RGS7: variants seen among roughly 807,000 people sequenced by gnomAD.
The protein encoded by RGS7 is regulator of G-protein signaling 7.
A neutral mutation model predicts 81.1 loss-of-function variants in RGS7; 27 were observed. The ratio of observed to expected loss-of-function variants is 0.33; its 90% CI spans 0.25 to 0.46. The LOEUF (loss-of-function observed/expected upper bound fraction) is 0.46. RGS7 is among the 20% of genes least tolerant of loss of function. The pLI is 1.00. For missense variants in RGS7, 396 were observed against 607.4 expected (o/e 0.65, Z 3.66); for synonymous variants, 208 against 207.7 (o/e 1.00, Z -0.01).
At chr1:240,957,120 C>G (rs934284896) in intron 4 of RGS7, among the ~76,000 whole-genome samples, 7 of 152,130 alleles carry the variant, frequency 4.6e-5, no homozygotes, top group African/African-American at 1.7e-4. Context: ...GCAGACCACC[C>G]TCAATCTGGG....
At chr1:240,985,331 C>T (rs192013728) in intron 3 of RGS7, among the ~76,000 whole-genome samples, 7 of 152,304 alleles carry the variant, frequency 4.6e-5, no homozygotes, top group Admixed American at 3.9e-4. Context: ...GACAGCCAAA[C>T]ATTCATTCCA....
chr1:240,866,037 G>A (rs1020175347), intron 9 of RGS7, among the ~76,000 whole-genome samples: 5 of 152,266 alleles, frequency 3.3e-5, no homozygotes, highest in East Asian at 1.9e-4. Context: ...TCAGCATTTC[G>A]CAAGTGCCTG....
chr1:241,003,460 CAAA>C (rs554768415), intron 3 of RGS7, among the ~76,000 whole-genome samples: 13,830 of 83,144 alleles, frequency 0.17, 600 homozygotes, highest in Middle Eastern at 0.28. Context: ...GACTCCGTCT[CAAA>C]AAAAAAAAAA....
rs1294785475 is a variant in RGS7 at position 241,220,570 on chromosome 1, C to T, written c.79-121808G>A. On this transcript the variant is annotated intron_variant, in intron 2 of 18. Transcript: ENST00000440928. Reference sequence around the variant, plus strand: ...GAAAGAAAATACTGGGAAAGAAATCCTAGGCTGTAATTATGTGGGTTGGTT... The same window carrying T: ...GAAAGAAAATACTGGGAAAGAAATCTTAGGCTGTAATTATGTGGGTTGGTT... Among the ~76,000 whole-genome samples the T allele has an allele frequency of 4.6e-5, 7 of 151,972 alleles. No individual in the cohort carries two copies. In the East Asian group the frequency reaches 9.6e-4, roughly 21 times the overall value.
chr1:240,951,260 A>G (rs1382237447), intron 4 of RGS7, among the ~76,000 whole-genome samples: 2 of 152,188 alleles, frequency 1.3e-5, no homozygotes, highest in Non-Finnish European at 2.9e-5. Context: ...CAGGCAAAAA[A>G]GTAAGAAAAA....
At chr1:241,073,996 G>A (rs535536402) in intron 3 of RGS7, among the ~76,000 whole-genome samples, 5 of 151,974 alleles carry the variant, frequency 3.3e-5, no homozygotes, top group Non-Finnish European at 5.9e-5. Context: ...CGCCTCCCAG[G>A]TTCAAGTGAT....
At chr1:240,801,546 A>C (rs748715988) in intron 16 of RGS7, 38 bp from the exon 17 acceptor site, 1 of 1,388,982 alleles carries the variant, frequency 7.2e-7, no homozygotes, top group Admixed American at 1.7e-5. Flanking sequence ...AAGGGAAATA[A>C]GGGAAGATTA....
chr1:241,264,198 T>A (rs1467771724), intron 2 of RGS7, among the ~76,000 whole-genome samples: 1 of 152,164 alleles, frequency 6.6e-6, no homozygotes, highest in African/African-American at 2.4e-5. Flanking sequence ...CATATCTCCT[T>A]TTAAAAATAT....
At chr1:241,051,310 G>T (rs2061236964) in intron 3 of RGS7, among the ~76,000 whole-genome samples, 1 of 152,144 alleles carries the variant, frequency 6.6e-6, no homozygotes, top group Non-Finnish European at 1.5e-5. Context: ...AGACATTTTG[G>T]AGGGCTGTTA....
At chr1:241,242,306 G>GTAGACAGA (rs372439369) in intron 2 of RGS7, among the ~76,000 whole-genome samples, 10 of 147,442 alleles carry the variant, frequency 6.8e-5, no homozygotes, top group African/African-American at 2.5e-4. Flanking sequence ...CTATGGATGA[G>GTAGACAGA]TAGATAGATA....
chr1:240,807,587 TCCAGA>T (rs1689084150), intron 14 of RGS7, among the ~76,000 whole-genome samples: 1 of 152,192 alleles, frequency 6.6e-6, no homozygotes. Flanking sequence ...AGTTTTCATT[TCCAGA>T]TTTTGTTTTT....
chr1:241,117,357 C>T (rs1026338696), intron 2 of RGS7, among the ~76,000 whole-genome samples: 1 of 152,154 alleles, frequency 6.6e-6, no homozygotes, highest in Non-Finnish European at 1.5e-5. Context: ...CTATGCAGAA[C>T]CTACATCATT....
At position 240,884,096 on chromosome 1, in the gene RGS7, AAAAAAAAAGGCCCC is replaced by A. The variant is rs1666925689; in HGVS notation, c.386-13991_386-13978del. Among the ~76,000 whole-genome samples, 3 of 150,412 alleles carry A rather than the reference AAAAAAAAAGGCCCC, an allele frequency of 2.0e-5. No individual in the cohort carries two copies. In the South Asian group the frequency reaches 6.3e-4, roughly 31 times the overall value. ...CCATCTCAAAAAAAAAAAAAAAAAA[AAAAAAAAAGGCCCC>A]AAGAGTAGTATTGAAGTGCTGTCTA... is the stretch of plus-strand genomic sequence containing the variant. On this transcript the variant is annotated intron_variant, in intron 6 of 18. Transcript: ENST00000440928.
chr1:240,783,903 C>T (rs899275245), intron 18 of RGS7, among the ~76,000 whole-genome samples: 1 of 150,124 alleles, frequency 6.7e-6, no homozygotes, highest in South Asian at 2.1e-4. Flanking sequence ...TGGCCAGGTG[C>T]GGTGATTCAT....
intron 2 of RGS7, among the ~76,000 whole-genome samples, chr1:241,252,917 C>T (rs977158423): frequency 1.3e-5 from 2 of 152,176 alleles, no homozygotes; most frequent in Non-Finnish European, 2.9e-5. Flanking sequence ...CTAAGATTTG[C>T]TGTCTTGCTG....
intron 6 of RGS7, among the ~76,000 whole-genome samples, chr1:240,906,745 C>T (rs1458538487): frequency 6.6e-6 from 1 of 152,176 alleles, no homozygotes; most frequent in African/African-American, 2.4e-5. Context: ...CTTAGAAAAA[C>T]ATTTCTTGGC....
At chr1:241,030,764 T>G (rs1255170957) in intron 3 of RGS7, among the ~76,000 whole-genome samples, 1 of 152,086 alleles carries the variant, frequency 6.6e-6, no homozygotes, top group Non-Finnish European at 1.5e-5. Flanking sequence ...TTTCTCTGTA[T>G]AGCAGCTGAA....
At chr1:241,040,484 T>C (rs2148765020) in intron 3 of RGS7, among the ~76,000 whole-genome samples, 1 of 151,634 alleles carries the variant, frequency 6.6e-6, no homozygotes, top group East Asian at 1.9e-4. Flanking sequence ...TTTCTTTTTA[T>C]TTATTTATTT....
In RGS7 at chr1:241,143,170, T is replaced by A. The variant is rs139468773; in HGVS notation, c.79-44408A>T. 6.1e-3 allele frequency among the ~76,000 whole-genome samples: 924 copies of A among 152,152 alleles called. 5 individuals are homozygous for A. The highest frequency in any genetic ancestry group is 0.021 in the African/African-American group (882 of 41,514). The stretch of plus-strand genomic sequence containing the variant: ...AGCCATTCAACAAGTCTCTAGGGAG[T>A]TCCAAATTTTCTCACATTTTACTGT... On this transcript the variant is annotated intron_variant, in intron 2 of 18. Coordinates refer to ENST00000440928, the MANE Select transcript of RGS7 (RefSeq NM_001364886.1).
Sources: gnomAD v4.1 joint callset for allele counts (sites outside exome capture counted in the v4.1 genomes callset) on GRCh38, gnomAD v4.1.1 for gene constraint, MANE v1.5 for transcripts, NCBI Gene and HGNC (gene_info 2026-07-23, HGNC 2026-07-21) for gene names.